The following CYRIA variants were observed in gnomAD, a reference collection of about 807,000 sequenced individuals.
CYRIA encodes the protein CYFIP related Rac1 interactor A.
A neutral mutation model predicts 43.9 loss-of-function variants in CYRIA; 15 were observed. That is an observed-to-expected ratio of 0.34 (90% CI 0.23 to 0.53). The LOEUF is 0.53. Ranked by LOEUF, CYRIA falls within the 20% of genes least tolerant of loss-of-function variation. The probability of loss-of-function intolerance (pLI) is 0.94; values close to 1 mark genes in which losing one functional copy is unlikely to be tolerated. For synonymous variants in CYRIA, 117 were observed against 136.0 expected (o/e 0.86, Z 0.97); for missense variants, 236 against 394.2 (o/e 0.60, Z 3.40).
At chr2:16,615,896 C>T (rs1459989987) in intron 2 of CYRIA, among the ~76,000 whole-genome samples, 1 of 152,212 alleles carries the variant, frequency 6.6e-6, no homozygotes, top group Non-Finnish European at 1.5e-5. Context: ...GCAGACAGGA[C>T]ACAGGGCAGG....
intron 6 of CYRIA, 65 bp from the exon 7 acceptor site, chr2:16,561,598 G>A: frequency 8.1e-7 from 1 of 1,238,880 alleles, no homozygotes; most frequent in Non-Finnish European, 1.2e-6. Flanking sequence ...TGCATTAGGA[G>A]GAGCCCAGAC....
At chr2:16,631,666 ATTTAAAG>A (rs1669332631) in intron 1 of CYRIA, among the ~76,000 whole-genome samples, 1 of 152,218 alleles carries the variant, frequency 6.6e-6, no homozygotes. Flanking sequence ...GATACCTAGC[ATTTAAAG>A]TGACCAGTGC....
At chr2:16,660,560 G>C (rs944382746) in intron 1 of CYRIA, among the ~76,000 whole-genome samples, 1 of 152,226 alleles carries the variant, frequency 6.6e-6, no homozygotes, top group Non-Finnish European at 1.5e-5. Context: ...CTTGAGGGCA[G>C]GGGTAATGTC....
At position 16,567,942 on chromosome 2, in the gene CYRIA, A is replaced by G. The variant is rs557046883; in HGVS notation, c.71-2175T>C. On this transcript the variant is annotated intron_variant, in intron 3 of 11. Transcript: ENST00000381323. ...TGGAGTATATTCATGAAGAGAGCAC[A>G]GCTTGGACAAAGGCTTGGCAGCTGG... 2.0e-5 allele frequency among the ~76,000 whole-genome samples: 3 copies of G among 152,292 alleles called. No individual in the cohort carries two copies. The South Asian group carries it at 6.2e-4, about 32-fold the overall frequency.
At chr2:16,555,285 C>G (rs932049812) in intron 10 of CYRIA, 146 bp from the exon 11 acceptor site, 3 of 731,742 alleles carry the variant, frequency 4.1e-6, no homozygotes, top group African/African-American at 3.5e-5. Context: ...TTTCCTACCC[C>G]CTCAGGCTGG....
At chr2:16,575,361 T>C (rs546552326) in intron 3 of CYRIA, among the ~76,000 whole-genome samples, 2 of 152,196 alleles carry the variant, frequency 1.3e-5, no homozygotes, top group South Asian at 4.2e-4. Context: ...ATGACTGATT[T>C]TGAAATGTGA....
At chr2:16,608,138 G>C (rs1668473229) in intron 2 of CYRIA, among the ~76,000 whole-genome samples, 1 of 152,022 alleles carries the variant, frequency 6.6e-6, no homozygotes, top group Non-Finnish European at 1.5e-5. Context: ...ATTCATTTAT[G>C]GCCACTGAGA....
chr2:16,636,496 G>A (rs961051275), intron 1 of CYRIA, among the ~76,000 whole-genome samples: 3 of 152,124 alleles, frequency 2.0e-5, no homozygotes, highest in Admixed American at 2.0e-4. Flanking sequence ...TGTGAATGAG[G>A]AGCTCATGGT....
chr2:16,644,290 A>C (rs1669757726), intron 1 of CYRIA, among the ~76,000 whole-genome samples: 1 of 152,208 alleles, frequency 6.6e-6, no homozygotes, highest in Non-Finnish European at 1.5e-5. Context: ...GATGTGAGTG[A>C]ATCACACATC....
At chr2:16,626,484 C>T (rs1669170642) in intron 1 of CYRIA, among the ~76,000 whole-genome samples, 1 of 152,218 alleles carries the variant, frequency 6.6e-6, no homozygotes, top group South Asian at 2.1e-4. Flanking sequence ...GATGCAACCA[C>T]AAAGGCTCGC....
In CYRIA at chr2:16,658,045, G is replaced by GA. The variant is rs201606808; in HGVS notation, c.-167+7734dup. ...CTGGATTTAAAACTGCAAGACTCCA[G>GA]AAAAAAAATACATGTTTAAAAAATA... On this transcript the variant is annotated intron_variant, in intron 1 of 11. Transcript: ENST00000381323. Among the ~76,000 whole-genome samples, 33 of 151,806 alleles carry GA rather than the reference G, an allele frequency of 2.2e-4. No individual in the cohort carries two copies. The East Asian group carries it at 5.6e-3, about 26-fold the overall frequency.
chr2:16,590,051 T>C (rs1418460084), intron 2 of CYRIA, among the ~76,000 whole-genome samples: 2 of 148,352 alleles, frequency 1.3e-5, no homozygotes, highest in Non-Finnish European at 3.0e-5. Context: ...GGTGTAGGAA[T>C]ATATTTGGGC....
intron 3 of CYRIA, among the ~76,000 whole-genome samples, chr2:16,585,439 T>C (rs1036613319): frequency 6.6e-6 from 1 of 152,144 alleles, no homozygotes; most frequent in Non-Finnish European, 1.5e-5. Flanking sequence ...TAGTTATTTA[T>C]CTTCTCAAAA....
intron 1 of CYRIA, among the ~76,000 whole-genome samples, chr2:16,659,061 G>A (rs1670184332): frequency 6.6e-6 from 1 of 152,204 alleles, no homozygotes; most frequent in Admixed American, 6.5e-5. Context: ...CACCCTGAAG[G>A]ACGTCAGCCA....
intron 3 of CYRIA, among the ~76,000 whole-genome samples, chr2:16,584,004 A>C (rs553565869): frequency 3.3e-5 from 5 of 152,348 alleles, no homozygotes; most frequent in African/African-American, 9.6e-5. Context: ...CACTAACTTC[A>C]AAAAGAATAT....
Position 16,657,236 on chromosome 2 carries a change from G to A in CYRIA, c.-167+8544C>T, listed in dbSNP as rs534083094. Among the ~76,000 whole-genome samples, 190 of 152,236 alleles carry A rather than the reference G, an allele frequency of 1.2e-3. 1 individual carries two copies. The highest frequency in any genetic ancestry group is 4.3e-3 in the African/African-American group (178 of 41,528). ...TAAGAACCAAAATGTTCTCACGCTC[G>A]GCTGAGGCTTTTCACTTCCCCATGC... On this transcript the variant is annotated intron_variant, in intron 1 of 11. Transcript: ENST00000381323.
At chr2:16,572,119 G>A (rs533289260) in intron 3 of CYRIA, among the ~76,000 whole-genome samples, 2 of 152,262 alleles carry the variant, frequency 1.3e-5, no homozygotes, top group Admixed American at 1.3e-4. Flanking sequence ...TGTGATGGGA[G>A]CAGTCCAAGG....
chr2:16,604,867 A>G (rs750228214), intron 2 of CYRIA, among the ~76,000 whole-genome samples: 15 of 152,250 alleles, frequency 9.9e-5, no homozygotes, highest in Non-Finnish European at 1.9e-4. Flanking sequence ...AATCCAACAG[A>G]CGATTTCATT....
intron 1 of CYRIA, among the ~76,000 whole-genome samples, chr2:16,630,344 C>T (rs1669291042): frequency 6.6e-6 from 1 of 152,174 alleles, no homozygotes; most frequent in South Asian, 2.1e-4. Context: ...ACCCAGGCCA[C>T]CCTCAGAGGT....
Sources: gnomAD v4.1 joint callset for allele counts (sites outside exome capture counted in the v4.1 genomes callset) on GRCh38, gnomAD v4.1.1 for gene constraint, MANE v1.5 for transcripts, NCBI Gene and HGNC (gene_info 2026-07-23, HGNC 2026-07-21) for gene names.